The following ST8SIA6 variants were observed in gnomAD, a reference collection of about 807,000 sequenced individuals.
ST8SIA6 encodes the protein ST8 alpha-N-acetyl-neuraminide alpha-2,8-sialyltransferase 6, also known as alpha-2,8-sialyltransferase 8F.
Under a neutral mutation model 33.6 loss-of-function variants are expected in ST8SIA6, and 39 were observed. That is an observed-to-expected ratio of 1.16 (90% CI 0.90 to 1.52). ST8SIA6 has a LOEUF of 1.52. ST8SIA6 is among the 40% of genes most tolerant of loss of function. ST8SIA6 has a pLI of 0.00. For synonymous variants in ST8SIA6, 172 were observed against 167.2 expected, an observed-to-expected ratio of 1.03 and a Z score of -0.22; for missense variants, 441 against 443.8, an observed-to-expected ratio of 0.99 and a Z score of 0.06.
chr10:17,374,071 CCACACACACACACACA>C (rs58234998), intron 3 of ST8SIA6, among the ~76,000 whole-genome samples: 21 of 139,016 alleles, frequency 1.5e-4, no homozygotes, highest in Admixed American at 3.0e-4. Flanking sequence ...TCAACAACCA[CCACACACACACACACA>C]CACACACACA....
At chr10:17,398,171 AC>A (rs1444639957) in intron 2 of ST8SIA6, among the ~76,000 whole-genome samples, 1 of 152,142 alleles carries the variant, frequency 6.6e-6, no homozygotes, top group Non-Finnish European at 1.5e-5. Context: ...TACTAAAAAT[AC>A]AAAAATTAGC....
At chr10:17,421,353 A>G (rs74117649) in intron 2 of ST8SIA6, among the ~76,000 whole-genome samples, 3,539 of 152,244 alleles carry the variant, frequency 0.023, 144 homozygotes, top group African/African-American at 0.08. Context: ...TAAGTGTCCT[A>G]TATACAAATC....
rs187171924 is a variant in ST8SIA6 at position 17,315,845 on chromosome 10, G to C, written c.*5033C>G. Among the ~76,000 whole-genome samples the C allele has an allele frequency of 6.6e-6, 1 of 151,850 alleles. No homozygotes were observed. Among genetic ancestry groups the C allele is most frequent in the East Asian group, 1.9e-4 (1 of 5,172 alleles). Reference sequence around the variant, plus strand: ...TCTTAATTGGAGAGACGGTTTCATGGGTATATGCATGTACATAAATATGTG... The same window carrying C: ...TCTTAATTGGAGAGACGGTTTCATGCGTATATGCATGTACATAAATATGTG... On this transcript the variant is annotated 3_prime_UTR_variant, in exon 8 of 8. Coordinates refer to ENST00000377602, the MANE Select transcript of ST8SIA6 (RefSeq NM_001004470.3).
At chr10:17,424,567 A>G (rs1180067203) in intron 2 of ST8SIA6, among the ~76,000 whole-genome samples, 1 of 152,112 alleles carries the variant, frequency 6.6e-6, no homozygotes, top group Non-Finnish European at 1.5e-5. Context: ...GTCAGTGATA[A>G]AAGACAAACC....
intron 5 of ST8SIA6, among the ~76,000 whole-genome samples, chr10:17,327,646 G>T (rs1217554977): frequency 6.8e-6 from 1 of 146,382 alleles, no homozygotes; most frequent in Non-Finnish European, 1.5e-5. Context: ...GCTCACATCT[G>T]TAATCCCAGC....
chr10:17,426,478 G>A (rs1851942466), intron 2 of ST8SIA6, among the ~76,000 whole-genome samples: 1 of 152,186 alleles, frequency 6.6e-6, no homozygotes. Flanking sequence ...AGATACCCAA[G>A]TGGGAAAAAG....
chr10:17,353,550 T>G (rs1849099040), intron 4 of ST8SIA6, among the ~76,000 whole-genome samples: 1 of 152,202 alleles, frequency 6.6e-6, no homozygotes, highest in South Asian at 2.1e-4. Flanking sequence ...AATACAGCAC[T>G]GGAATCTTTT....
chr10:17,436,582 C>G (rs772265010), intron 2 of ST8SIA6, among the ~76,000 whole-genome samples: 49 of 138,952 alleles, frequency 3.5e-4, no homozygotes, highest in Non-Finnish European at 6.5e-4. Context: ...TCCAAGTGTT[C>G]TCATTGTTCA....
In ST8SIA6 at chr10:17,321,044, C is replaced by G; in HGVS notation, c.1031G>C (p.Trp344Ser). 6.2e-7 allele frequency: 1 copy of G among 1,613,934 alleles called. No homozygotes were observed. Among genetic ancestry groups the G allele is most frequent in the South Asian group, 1.1e-5 (1 of 91,078 alleles). Residue 344 changes from tryptophan to serine, a missense_variant, in exon 8 of 8, where the codon TGG becomes TCG. Transcript: ENST00000377602. ...LCKNVKLYGF[W>S]PFSKTVEDIP... Reference sequence around the variant, plus strand: ...GTCTTCTACAGTTTTAGAGAAGGGCCAGAATCCATACAGCTTCACATTTTT... The same window carrying G: ...GTCTTCTACAGTTTTAGAGAAGGGCGAGAATCCATACAGCTTCACATTTTT...
chr10:17,440,958 T>C (rs1157320854), intron 2 of ST8SIA6, among the ~76,000 whole-genome samples: 1 of 152,224 alleles, frequency 6.6e-6, no homozygotes, highest in African/African-American at 2.4e-5. Flanking sequence ...GGGGTTGTCT[T>C]CTTGTTAATT....
At chr10:17,343,801 G>T (rs181881193) in intron 4 of ST8SIA6, among the ~76,000 whole-genome samples, 1 of 152,220 alleles carries the variant, frequency 6.6e-6, no homozygotes, top group South Asian at 2.1e-4. Flanking sequence ...AAAGAGAGAC[G>T]CCAGACAGTG....
intron 2 of ST8SIA6, among the ~76,000 whole-genome samples, chr10:17,421,817 T>G (rs1287432424): frequency 2.6e-5 from 4 of 152,176 alleles, no homozygotes; most frequent in Non-Finnish European, 5.9e-5. Flanking sequence ...TCCTCCCTCT[T>G]TGGCTTCACA....
chr10:17,325,602 T>C (rs1848107437), intron 6 of ST8SIA6, among the ~76,000 whole-genome samples: 1 of 151,872 alleles, frequency 6.6e-6, no homozygotes, highest in Non-Finnish European at 1.5e-5. Flanking sequence ...TAGCTCCAAA[T>C]CTTTTGAAAT....
intron 2 of ST8SIA6, among the ~76,000 whole-genome samples, chr10:17,443,077 T>A (rs1389876002): frequency 6.6e-6 from 1 of 152,226 alleles, no homozygotes; most frequent in South Asian, 2.1e-4. Flanking sequence ...CATGGTGTGT[T>A]GGATGGACTC....
At chr10:17,409,721 A>G (rs1286257018) in intron 2 of ST8SIA6, 1 of 152,410 alleles carries the variant, frequency 6.6e-6, no homozygotes, top group Non-Finnish European at 1.5e-5. Context: ...TACTAAAAGT[A>G]CAAAATTAGC....
chr10:17,437,178 A>G (rs1564464269), intron 2 of ST8SIA6, among the ~76,000 whole-genome samples: 1 of 152,048 alleles, frequency 6.6e-6, no homozygotes, highest in Non-Finnish European at 1.5e-5. Flanking sequence ...CATATATTTG[A>G]GACAGGGTCT....
At chr10:17,328,323 C>T (rs1288009796) in intron 5 of ST8SIA6, among the ~76,000 whole-genome samples, 1 of 152,218 alleles carries the variant, frequency 6.6e-6, no homozygotes, top group Non-Finnish European at 1.5e-5. Flanking sequence ...ACTGGACTGA[C>T]ATATTTCAAA....
intron 3 of ST8SIA6, among the ~76,000 whole-genome samples, chr10:17,361,784 TATTGA>T (rs1237508306): frequency 6.6e-6 from 1 of 150,630 alleles, no homozygotes; most frequent in Non-Finnish European, 1.5e-5. Flanking sequence ...GACAAAATAT[TATTGA>T]ATTGAATCCA....
At chr10:17,395,265 C>T (rs959977104) in intron 2 of ST8SIA6, among the ~76,000 whole-genome samples, 1 of 152,116 alleles carries the variant, frequency 6.6e-6, no homozygotes, top group African/African-American at 2.4e-5. Context: ...TACCCAGTCT[C>T]GGGTATATCT....
Sources: allele counts gnomAD v4.1 joint callset (sites outside exome capture counted in the v4.1 genomes callset), GRCh38; gene constraint gnomAD v4.1.1; transcripts MANE v1.5; gene names NCBI Gene and HGNC (gene_info 2026-07-23, HGNC 2026-07-21).